Variants in KSR2 observed in about 807,000 individuals in gnomAD.
KSR2 encodes the protein kinase suppressor of ras 2.
KSR2 carries 25 observed loss-of-function variants against 107.8 expected under a neutral mutation model. The observed-to-expected ratio is 0.23, with a 90% CI of 0.17 to 0.32. The LOEUF is 0.32. Ranked by LOEUF, KSR2 falls within the 10% of genes least tolerant of loss-of-function variation. KSR2 has a pLI of 1.00. For missense variants in KSR2, 887 were observed against 1,268.9 expected (o/e 0.70, Z 4.57); for synonymous variants, 480 against 507.0 (o/e 0.95, Z 0.71).
chr12:117,888,792 T>C (rs1303051144), intron 1 of KSR2, among the ~76,000 whole-genome samples: 1 of 152,216 alleles, frequency 6.6e-6, no homozygotes, highest in Non-Finnish European at 1.5e-5. Context: ...TTATTTCTAT[T>C]GCTTAAGCCA....
intron 4 of KSR2, among the ~76,000 whole-genome samples, chr12:117,756,914 G>C (rs180850672): frequency 7.2e-4 from 110 of 152,196 alleles, no homozygotes; most frequent in African/African-American, 2.5e-3. Flanking sequence ...AATTAGCCAG[G>C]CATGATGGTG....
At chr12:117,809,260 C>T (rs1428359130) in intron 3 of KSR2, among the ~76,000 whole-genome samples, 1 of 152,162 alleles carries the variant, frequency 6.6e-6, no homozygotes, top group East Asian at 1.9e-4. Flanking sequence ...CATACCTCTA[C>T]GCCAAGGTTT....
intron 1 of KSR2, among the ~76,000 whole-genome samples, chr12:117,911,125 T>C (rs1357803466): frequency 6.6e-6 from 1 of 151,570 alleles, no homozygotes; most frequent in African/African-American, 2.4e-5. Context: ...TCTGCAAATA[T>C]TCTCTCTCCC....
chr12:117,930,625 G>A (rs1802391268), intron 1 of KSR2, among the ~76,000 whole-genome samples: 1 of 152,126 alleles, frequency 6.6e-6, no homozygotes, highest in African/African-American at 2.4e-5. Flanking sequence ...TAATACTAAA[G>A]TTGATGTAGG....
intron 4 of KSR2, among the ~76,000 whole-genome samples, 191 bp from the exon 5 acceptor site, chr12:117,667,849 C>T (rs1206988688): frequency 1.3e-5 from 2 of 152,124 alleles, no homozygotes; most frequent in African/African-American, 4.8e-5. Flanking sequence ...CCCCTAGGTC[C>T]CTCTAAGAAG....
At chr12:117,951,950 A>C (rs1566097034) in intron 1 of KSR2, among the ~76,000 whole-genome samples, 1 of 152,198 alleles carries the variant, frequency 6.6e-6, no homozygotes, top group African/African-American at 2.4e-5. Context: ...TGTGGAATCT[A>C]AAAAAGTCAA....
chr12:117,759,146 CAT>C (rs1258595598), intron 4 of KSR2, among the ~76,000 whole-genome samples: 1 of 152,360 alleles, frequency 6.6e-6, no homozygotes, highest in Non-Finnish European at 1.5e-5. Flanking sequence ...TGTAAAATCA[CAT>C]GTTCCACGTC....
At chr12:117,959,935 GA>G (rs143626382) in intron 1 of KSR2, among the ~76,000 whole-genome samples, 1,040 of 99,002 alleles carry the variant, frequency 0.011, 3 homozygotes, top group Middle Eastern at 0.015. Context: ...TGTCTCAAAA[GA>G]AAAAAAAAAA....
At chr12:117,512,852 C>A (rs761976461) in intron 14 of KSR2, among the ~76,000 whole-genome samples, 3 of 152,184 alleles carry the variant, frequency 2.0e-5, no homozygotes, top group Non-Finnish European at 4.4e-5. Flanking sequence ...CCTCTATTTT[C>A]TTCCAGTGAC....
At chr12:117,945,086 T>A (rs1160635594) in intron 1 of KSR2, among the ~76,000 whole-genome samples, 1 of 151,954 alleles carries the variant, frequency 6.6e-6, no homozygotes, top group East Asian at 1.9e-4. Flanking sequence ...CAGATGGAAC[T>A]GAAAAGAAAA....
intron 18 of KSR2, 30 bp from the exon 19 acceptor site, chr12:117,469,825 C>CCT (rs1365187920): frequency 6.2e-7 from 1 of 1,610,844 alleles, no homozygotes; most frequent in Non-Finnish European, 8.5e-7. Flanking sequence ...GGTGATTACA[C>CCT]ATAAATGGTG....
chr12:117,486,791 G>A (rs563185629), intron 14 of KSR2, among the ~76,000 whole-genome samples: 1 of 152,242 alleles, frequency 6.6e-6, no homozygotes, highest in South Asian at 2.1e-4. Context: ...ACCTCTCTGG[G>A]CCTCAGTTTC....
chr12:117,628,506 T>G (rs1882640251), intron 5 of KSR2, among the ~76,000 whole-genome samples: 1 of 152,210 alleles, frequency 6.6e-6, no homozygotes, highest in Non-Finnish European at 1.5e-5. Flanking sequence ...CCAGACCCTG[T>G]TTGCCTGGGT....
intron 14 of KSR2, among the ~76,000 whole-genome samples, chr12:117,489,024 G>C (rs1402286107): frequency 1.3e-5 from 2 of 152,180 alleles, no homozygotes; most frequent in African/African-American, 4.8e-5. Context: ...CAAAAAGCAT[G>C]GATAAAGCTC....
intron 5 of KSR2, among the ~76,000 whole-genome samples, chr12:117,657,619 C>T (rs977394736): frequency 3.9e-5 from 6 of 152,194 alleles, no homozygotes; most frequent in African/African-American, 1.4e-4. Context: ...CCAAAGACTG[C>T]ATCCAAATCC....
chr12:117,734,745 CATGCATGCATGG>C (rs1040701010), intron 4 of KSR2, among the ~76,000 whole-genome samples: 23 of 146,378 alleles, frequency 1.6e-4, no homozygotes, highest in Non-Finnish European at 2.1e-4. Flanking sequence ...TGCATGCATG[CATGCATGCATGG>C]ATGGATGGAT....
chr12:117,802,442 A>G (rs995517361), intron 3 of KSR2, among the ~76,000 whole-genome samples: 2 of 152,170 alleles, frequency 1.3e-5, no homozygotes, highest in Non-Finnish European at 2.9e-5. Flanking sequence ...CTCACAGGTC[A>G]CACGTTCAGA....
intron 4 of KSR2, among the ~76,000 whole-genome samples, chr12:117,689,890 CTA>C (rs1885744338): frequency 6.6e-6 from 1 of 151,948 alleles, no homozygotes; most frequent in Non-Finnish European, 1.5e-5. Flanking sequence ...CCAAATTTGA[CTA>C]TGTGTGAGAA....
intron 14 of KSR2, among the ~76,000 whole-genome samples, chr12:117,498,286 A>G (rs1200887620): frequency 2.0e-5 from 3 of 152,030 alleles, no homozygotes; most frequent in Admixed American, 6.6e-5. Flanking sequence ...ACCCCATTCC[A>G]ACTCTAGGCC....
Sources: gnomAD v4.1 joint callset for allele counts (sites outside exome capture counted in the v4.1 genomes callset) on GRCh38, gnomAD v4.1.1 for gene constraint, MANE v1.5 for transcripts, NCBI Gene and HGNC (gene_info 2026-07-23, HGNC 2026-07-21) for gene names.